The following FBXO34 variants were observed in gnomAD, a reference collection of about 807,000 sequenced individuals.
FBXO34 encodes the protein F-box protein 34, also known as F-box only protein 34.
Under a neutral mutation model 24.5 loss-of-function variants are expected in FBXO34, and 12 were observed. The ratio of observed to expected loss-of-function variants is 0.49; its 90% CI spans 0.31 to 0.79. The LOEUF (loss-of-function observed/expected upper bound fraction) is 0.79, where lower values mean the gene tolerates loss of function less well. Ranked by LOEUF, FBXO34 falls within the 30% of genes least tolerant of loss-of-function variation. FBXO34 has a pLI of 0.04. For missense variants in FBXO34, 823 were observed against 857.7 expected (o/e 0.96, Z 0.51); for synonymous variants, 320 against 311.9 (o/e 1.03, Z -0.27).
the FBXO34 span, chr14:55,436,814 G>A: frequency 6.2e-7 from 1 of 1,614,108 alleles, no homozygotes; most frequent in Non-Finnish European, 8.5e-7. Context: ...TCAGTTTCGT[G>A]TTTGCTAATG....
At chr14:55,389,041 C>G in the FBXO34 span, among the ~76,000 whole-genome samples, 1 of 152,086 alleles carries the variant, frequency 6.6e-6, no homozygotes, top group Non-Finnish European at 1.5e-5. Flanking sequence ...GGTTCTCTCT[C>G]TAGATTTTAA....
At chr14:55,328,572 T>C (rs964615517) in intron 1 of FBXO34, among the ~76,000 whole-genome samples, 2 of 152,208 alleles carry the variant, frequency 1.3e-5, no homozygotes, top group Admixed American at 6.5e-5. Context: ...TGGGGTGCAA[T>C]TGATAACTTA....
At chr14:55,296,391 GTTTTT>G (rs1167344634) in intron 1 of FBXO34, among the ~76,000 whole-genome samples, 2 of 64,760 alleles carry the variant, frequency 3.1e-5, no homozygotes, top group East Asian at 6.0e-4. Flanking sequence ...TGTTTTTTTT[GTTTTT>G]TTTTTTTTTT....
downstream of FBXO34, among the ~76,000 whole-genome samples, chr14:55,373,586 A>G (rs1399711797): frequency 6.6e-6 from 1 of 152,026 alleles, no homozygotes; most frequent in South Asian, 2.1e-4. Flanking sequence ...CAGCCTCCCA[A>G]GTAGCTGGGG....
At chr14:55,397,469 G>A in the FBXO34 span, 3 of 1,545,584 alleles carry the variant, frequency 1.9e-6, no homozygotes, top group Non-Finnish European at 1.8e-6. Flanking sequence ...TATTTAAATG[G>A]TCATTTTTTC....
chr14:55,284,405 C>T lies in FBXO34; in HGVS notation c.-11+12868C>T, dbSNP rs532023116. On this transcript the variant is annotated intron_variant, in intron 1 of 1. Coordinates refer to ENST00000313833, the MANE Select transcript of FBXO34 (RefSeq NM_017943.4). ...GTACATGTCTGTAATCCCAGCTACT[C>T]GGGAGGCTGAGGCAGGAGAATCTCT... 6.7e-3 allele frequency among the ~76,000 whole-genome samples: 995 copies of T among 148,818 alleles called. 5 individuals carry two copies. The highest frequency in any genetic ancestry group is 0.011 in the Non-Finnish European group (732 of 67,626).
At chr14:55,325,142 G>A (rs1182655758) in intron 1 of FBXO34, among the ~76,000 whole-genome samples, 1 of 152,156 alleles carries the variant, frequency 6.6e-6, no homozygotes, top group Non-Finnish European at 1.5e-5. Flanking sequence ...TCTATTAATA[G>A]TGCTGAATAT....
intron 1 of FBXO34, among the ~76,000 whole-genome samples, chr14:55,323,495 G>A (rs1363104950): frequency 6.6e-6 from 1 of 151,662 alleles, no homozygotes; most frequent in African/African-American, 2.4e-5. Context: ...TGATTCTCCT[G>A]CCTCAGCCTC....
At chr14:55,369,535 TAACTTA>T (rs1331845107), downstream of FBXO34, 1 of 1,278,086 alleles carries the variant, frequency 7.8e-7, no homozygotes, top group African/African-American at 1.5e-5. Flanking sequence ...GACACTATCT[TAACTTA>T]AACAGAAAAT....
rs998179018 is a variant in FBXO34 at position 55,352,798 on chromosome 14, C to G, written c.*272C>G. 1.9e-5 allele frequency: 7 copies of G among 374,590 alleles called. No homozygotes were observed. The highest frequency in any genetic ancestry group is 3.0e-5 in the Non-Finnish European group (6 of 198,904). The allele number at this position is 374,590 out of a possible 1,614,324, so 23.2% of individuals were successfully genotyped here. On this transcript the variant is annotated 3_prime_UTR_variant, in exon 2 of 2. Coordinates refer to ENST00000313833, the MANE Select transcript of FBXO34 (RefSeq NM_017943.4). ...TGAATAACTGCCTGTTTTCCTAAAT[C>G]AAACCCATCCTCAAAGGATGAAGAC...
At chr14:55,434,466 T>A in the FBXO34 span, among the ~76,000 whole-genome samples, 1 of 152,066 alleles carries the variant, frequency 6.6e-6, no homozygotes, top group Non-Finnish European at 1.5e-5. Flanking sequence ...CTGGGGTGGG[T>A]GCTAGCTTAA....
chr14:55,300,435 A>C (rs555561967), intron 1 of FBXO34, among the ~76,000 whole-genome samples: 1 of 152,286 alleles, frequency 6.6e-6, no homozygotes, highest in Non-Finnish European at 1.5e-5. Context: ...TAGTACAAAA[A>C]AATACAAAAA....
chr14:55,296,803 T>A (rs1882150932), intron 1 of FBXO34, among the ~76,000 whole-genome samples: 1 of 152,210 alleles, frequency 6.6e-6, no homozygotes, highest in African/African-American at 2.4e-5. Context: ...TAATTTAAAA[T>A]TTTGACTAGA....
chr14:55,386,472 G>C, the FBXO34 span, among the ~76,000 whole-genome samples: 14 of 152,202 alleles, frequency 9.2e-5, no homozygotes, highest in Non-Finnish European at 1.8e-4. Context: ...CTGGCTATCT[G>C]ATTTCCCTAG....
At chr14:55,383,864 G>C in the FBXO34 span, among the ~76,000 whole-genome samples, 3 of 152,328 alleles carry the variant, frequency 2.0e-5, no homozygotes, top group East Asian at 5.8e-4. Flanking sequence ...CAGTGTGGCT[G>C]GTGTGTGGGA....
chr14:55,394,227 G>A, the FBXO34 span, among the ~76,000 whole-genome samples: 1 of 151,112 alleles, frequency 6.6e-6, no homozygotes, highest in Admixed American at 6.6e-5. Flanking sequence ...GGCTGGTCTC[G>A]AACTCCTGAC....
At chr14:55,278,843 C>G (rs1008342565) in intron 1 of FBXO34, among the ~76,000 whole-genome samples, 4 of 152,152 alleles carry the variant, frequency 2.6e-5, no homozygotes, top group African/African-American at 7.2e-5. Context: ...CGCACCACCA[C>G]ACGCAGCTAA....
At chr14:55,299,086 A>G in intron 1 of FBXO34, 1 of 1,447,120 alleles carries the variant, frequency 6.9e-7, no homozygotes, top group Non-Finnish European at 9.7e-7. Context: ...GAAAAGTCTG[A>G]CGAGGATGAG....
chr14:55,291,467 C>A (rs1000198564), intron 1 of FBXO34, among the ~76,000 whole-genome samples: 2 of 152,238 alleles, frequency 1.3e-5, no homozygotes, highest in South Asian at 4.1e-4. Context: ...AGATGAGAAA[C>A]CCTTCTACTC....
Sources: gnomAD v4.1 joint callset for allele counts (sites outside exome capture counted in the v4.1 genomes callset) on GRCh38, gnomAD v4.1.1 for gene constraint, MANE v1.5 for transcripts, NCBI Gene and HGNC (gene_info 2026-07-23, HGNC 2026-07-21) for gene names.